SLAMF6: variants seen among roughly 807,000 people sequenced by gnomAD.
SLAMF6 encodes SLAM family member 6, also known as NK-T-B-antigen.
A neutral mutation model predicts 38.3 loss-of-function variants in SLAMF6; 21 were observed. The observed-to-expected ratio is 0.55, with a 90% confidence interval of 0.39 to 0.79. The LOEUF is 0.79. Among genes scored for constraint, SLAMF6 ranks in the 30% least tolerant of loss-of-function variants. The probability of loss-of-function intolerance (pLI) is 0.00; values close to 1 mark genes in which losing one functional copy is unlikely to be tolerated. For synonymous variants in SLAMF6, 152 were observed against 146.3 expected (o/e 1.04, Z -0.28); for missense variants, 341 against 385.3 (o/e 0.89, Z 0.96).
Position 160,496,301 on chromosome 1 carries a change from C to T in SLAMF6, c.142G>A (p.Glu48Lys), listed in dbSNP as rs758426351. Reference protein sequence around the residue: ...VTLPLEFPAGEKVNFITWLFN... With the variant: ...VTLPLEFPAGKKVNFITWLFN... The stretch of plus-strand genomic sequence containing the variant: ...AGCCAAGTGATGAAGTTGACCTTCT[C>T]TCCTGCAGGAAACTCCAGGGGAAGA... The change falls in exon 2 of 8, where the codon GAG becomes AAG. Residue 48 changes from glutamate (E) to lysine (K), a missense_variant. Transcript: ENST00000368057. 7 of 1,614,060 alleles carry T rather than the reference C, an allele frequency of 4.3e-6. No homozygotes were observed. The highest frequency in any genetic ancestry group is 5.9e-6 in the Non-Finnish European group (7 of 1,179,940).
chr1:160,494,309 T>C (rs16832066), intron 2 of SLAMF6, among the ~76,000 whole-genome samples: 188 of 152,266 alleles, frequency 1.2e-3, no homozygotes, highest in African/African-American at 4.2e-3. Flanking sequence ...AGATAAGTCA[T>C]ACCTGGTCTT....
chr1:160,503,110 T>A (rs937684583), intron 1 of SLAMF6, among the ~76,000 whole-genome samples: 3 of 152,172 alleles, frequency 2.0e-5, no homozygotes, highest in Non-Finnish European at 2.9e-5. Context: ...CTTTTGAGAC[T>A]GAAAAGAATA....
chr1:160,511,807 A>G (rs1354187127), intron 1 of SLAMF6, among the ~76,000 whole-genome samples: 3 of 152,136 alleles, frequency 2.0e-5, no homozygotes, highest in Non-Finnish European at 4.4e-5. Context: ...CAACTAAGGT[A>G]TCCAGGCTCA....
intron 1 of SLAMF6, among the ~76,000 whole-genome samples, chr1:160,513,002 C>T (rs1488977584): frequency 6.6e-6 from 1 of 152,094 alleles, no homozygotes. Flanking sequence ...CACAACTGGG[C>T]TCAGGCTGAG....
chr1:160,514,129 C>G (rs865923709), intron 1 of SLAMF6, among the ~76,000 whole-genome samples: 23 of 152,078 alleles, frequency 1.5e-4, no homozygotes, highest in African/African-American at 5.1e-4. Flanking sequence ...ACTCATCTCA[C>G]ATGCAAACAC....
At chr1:160,521,735 C>T (rs1654994705) in intron 1 of SLAMF6, among the ~76,000 whole-genome samples, 1 of 152,086 alleles carries the variant, frequency 6.6e-6, no homozygotes, top group Non-Finnish European at 1.5e-5. Flanking sequence ...ACACTGACAT[C>T]CTAAAATCAG....
At chr1:160,497,355 T>C (rs1241727367) in intron 1 of SLAMF6, among the ~76,000 whole-genome samples, 1 of 152,160 alleles carries the variant, frequency 6.6e-6, no homozygotes, top group Non-Finnish European at 1.5e-5. Context: ...GTTCACCTGT[T>C]TGTCTAACTG....
In SLAMF6 at chr1:160,489,121, G is replaced by T. The variant is rs777370696; in HGVS notation, c.846C>A (p.Asn282Lys). 1 of 1,613,942 alleles carries T rather than the reference G, an allele frequency of 6.2e-7. No individual in the cohort carries two copies. Among genetic ancestry groups the T allele is most frequent in the African/African-American group, 1.3e-5 (1 of 75,028 alleles). ...AATGAGTGACTGAAGCATACACAGTGTTGTTCGTTGGAGACACTGAAACAT... is the reference window on the plus strand; with the variant it reads ...AATGAGTGACTGAAGCATACACAGTTTTGTTCGTTGGAGACACTGAAACAT... ...LEYVSVSPTNNTVYASVTHSN... is the reference protein window; with the variant it reads ...LEYVSVSPTNKTVYASVTHSN... The change falls in exon 6 of 8, where the codon AAC becomes AAA. Residue 282 changes from asparagine to lysine, a missense_variant. Transcript: ENST00000368057.
intron 2 of SLAMF6, among the ~76,000 whole-genome samples, chr1:160,493,136 C>T (rs544247826): frequency 1.4e-4 from 22 of 151,868 alleles, no homozygotes; most frequent in African/African-American, 4.3e-4. Flanking sequence ...AGTCCTTTTG[C>T]GATGTGGCCC....
intron 4 of SLAMF6, 38 bp downstream of exon 4, chr1:160,490,537 C>A (rs764005866): frequency 1.7e-5 from 27 of 1,602,964 alleles, no homozygotes; most frequent in Admixed American, 1.4e-4. Flanking sequence ...ATCACTGGAA[C>A]CTTGGAGAAG....
At chr1:160,504,500 T>C (rs187020380) in intron 1 of SLAMF6, among the ~76,000 whole-genome samples, 2 of 152,316 alleles carry the variant, frequency 1.3e-5, no homozygotes, top group Admixed American at 1.3e-4. Flanking sequence ...ACATTTTCAG[T>C]AGGAGACCAT....
At chr1:160,492,742 T>C (rs889407331) in intron 2 of SLAMF6, among the ~76,000 whole-genome samples, 2 of 152,234 alleles carry the variant, frequency 1.3e-5, no homozygotes, top group Non-Finnish European at 2.9e-5. Flanking sequence ...GTTTTACCCA[T>C]CTGACTTGTT....
chr1:160,512,266 C>T (rs1480250732), intron 1 of SLAMF6, among the ~76,000 whole-genome samples: 1 of 152,182 alleles, frequency 6.6e-6, no homozygotes, highest in Non-Finnish European at 1.5e-5. Context: ...CATCTTTAGG[C>T]TGGACCCAGA....
chr1:160,515,177 A>G lies in SLAMF6; in HGVS notation c.49+7967T>C, dbSNP rs752477463. On this transcript the variant is annotated intron_variant, in intron 1 of 7. Transcript: ENST00000368057. ...ACACAATAAAAAATGTTAAAAGAGG[A>G]TATCACTACTGACCCCACAGAAATA... is the stretch of plus-strand genomic sequence containing the variant. Among the ~76,000 whole-genome samples the G allele has an allele frequency of 3.9e-5, 6 of 152,170 alleles. No individual in the cohort carries two copies. The East Asian group carries it at 7.7e-4, about 20-fold the overall frequency.
In SLAMF6 at chr1:160,491,075, G is replaced by A. The variant is rs764483359; in HGVS notation, c.646+50C>T. ...GAAATTACGTAGGATGTGAGGACGC[G>A]TTAAACCCCATAGCTGCTCAAGGCT... On this transcript the variant is annotated intron_variant, in intron 3 of 7. Coordinates refer to ENST00000368057, the MANE Select transcript of SLAMF6 (RefSeq NM_001184714.2). 2.1e-5 allele frequency: 33 copies of A among 1,604,636 alleles called. 1 individual carries two copies. Among genetic ancestry groups the A allele is most frequent in the South Asian group, 1.1e-4 (10 of 90,432 alleles).
At chr1:160,503,871 A>G (rs1654039049) in intron 1 of SLAMF6, among the ~76,000 whole-genome samples, 2 of 152,096 alleles carry the variant, frequency 1.3e-5, no homozygotes, top group South Asian at 4.1e-4. Context: ...GTCTCTACTG[A>G]AAATACAAAA....
In SLAMF6 at chr1:160,485,986, A is replaced by G. The variant is rs753251766; in HGVS notation, c.*721T>C. The stretch of plus-strand genomic sequence containing the variant: ...TGGGAGACTAAGGCTCCAAAAGGTT[A>G]GGCAGTATGTCCCAGGAGATGTGTC... On this transcript the variant is annotated 3_prime_UTR_variant, in exon 8 of 8. Coordinates refer to ENST00000368057, the MANE Select transcript of SLAMF6 (RefSeq NM_001184714.2). 2.0e-5 allele frequency: 3 copies of G among 152,618 alleles called. No individual in the cohort carries two copies. The highest frequency in any genetic ancestry group is 4.4e-5 in the Non-Finnish European group (3 of 68,042). 9.5% of individuals were successfully genotyped at this position (152,618 alleles called of 1,614,324 possible).
chr1:160,522,865 A>C (rs1281897864), intron 1 of SLAMF6, among the ~76,000 whole-genome samples: 1 of 152,218 alleles, frequency 6.6e-6, no homozygotes, highest in Non-Finnish European at 1.5e-5. Flanking sequence ...CATAAACCAC[A>C]AACAGTCTTG....
chr1:160,513,519 A>T (rs1440316135), intron 1 of SLAMF6, among the ~76,000 whole-genome samples: 1 of 152,202 alleles, frequency 6.6e-6, no homozygotes, highest in Non-Finnish European at 1.5e-5. Context: ...AGAACCCAGT[A>T]AGATACTCCA....
Sources: allele counts gnomAD v4.1 joint callset (sites outside exome capture counted in the v4.1 genomes callset), GRCh38; gene constraint gnomAD v4.1.1; transcripts MANE v1.5; gene names NCBI Gene and HGNC (gene_info 2026-07-23, HGNC 2026-07-21).